ARMH1: variants seen among roughly 807,000 people sequenced by gnomAD.
ARMH1 encodes the protein armadillo-like helical domain containing protein 1.
ARMH1 carries 34 observed loss-of-function variants against 50.2 expected under a neutral mutation model. That is an observed-to-expected ratio of 0.68 (90% CI 0.51 to 0.90). The LOEUF (loss-of-function observed/expected upper bound fraction) is 0.90, where lower values mean the gene tolerates loss of function less well. Ranked by LOEUF, ARMH1 falls within the 40% of genes least tolerant of loss-of-function variation. The pLI, the probability that ARMH1 is intolerant of heterozygous loss-of-function variation, is 0.00. For synonymous variants in ARMH1, 221 were observed against 224.2 expected, an observed-to-expected ratio of 0.99 and a Z score of 0.13; for missense variants, 538 against 553.9, an observed-to-expected ratio of 0.97 and a Z score of 0.29.
chr1:44,717,932 T>C (rs1646919425), intron 6 of ARMH1, among the ~76,000 whole-genome samples: 1 of 152,232 alleles, frequency 6.6e-6, no homozygotes, highest in Admixed American at 6.5e-5. Context: ...TCACTTTGGG[T>C]ATAAACAGTG....
chr1:44,695,919 T>C (rs1645811565), intron 2 of ARMH1, among the ~76,000 whole-genome samples: 1 of 143,782 alleles, frequency 7.0e-6, no homozygotes. Flanking sequence ...TGCCCCAGCC[T>C]GGGCAACAGA....
intron 6 of ARMH1, among the ~76,000 whole-genome samples, chr1:44,708,321 T>G (rs748533850): frequency 1.3e-5 from 2 of 152,248 alleles, no homozygotes; most frequent in African/African-American, 4.8e-5. Context: ...AGAAGCAGCC[T>G]GTGTCCAAGA....
rs764885693 is a variant in ARMH1 at position 44,724,790 on chromosome 1, C to G, written c.1079C>G (p.Ala360Gly). The G allele has an allele frequency of 1.3e-6, 2 of 1,543,864 alleles. No homozygotes were observed. Among genetic ancestry groups the G allele is most frequent in the East Asian group, 4.9e-5 (2 of 40,896 alleles). The change falls in exon 10 of 12, where the codon GCG becomes GGG. Residue 360 changes from alanine (A) to glycine (G), a missense_variant. Transcript: ENST00000535358. The surrounding 1 kb of genome is among the most constrained non-coding windows in gnomAD (Gnocchi z 6.4). ...TTCGTGCAGATGTTCCCCTTGGTGG[C>G]GGAGCACGTGCGCAAGTGCATGGGG... ...ECFVQMFPLV[A>G]EHVRKCMGEE...
chr1:44,724,765 T>C lies in ARMH1; in HGVS notation c.1054T>C (p.Phe352Leu). 1.3e-6 allele frequency: 2 copies of C among 1,543,194 alleles called. No homozygotes were observed. Among genetic ancestry groups the C allele is most frequent in the South Asian group, 1.2e-5 (1 of 83,904 alleles). Residue 352 changes from phenylalanine (F) to leucine (L), a missense_variant, in exon 10 of 12, where the codon TTC (phenylalanine) becomes CTC (leucine). Phe to Leu is a conservative substitution (Grantham distance 22). Coordinates refer to ENST00000535358, the MANE Select transcript of ARMH1 (RefSeq NM_001145636.2). This position sits in a 1 kb window ranked among gnomAD's most constrained non-coding sequence, Gnocchi z 6.4. Reference protein sequence around the residue: ...QRLASLTLECFVQMFPLVAEH... With the variant: ...QRLASLTLECLVQMFPLVAEH... ...CCGCCTCGCCCGCGCGGCGCAGTGCTTCGTGCAGATGTTCCCCTTGGTGGC... is the reference window on the plus strand; with the variant it reads ...CCGCCTCGCCCGCGCGGCGCAGTGCCTCGTGCAGATGTTCCCCTTGGTGGC...
chr1:44,706,060 G>A (rs895534382), intron 6 of ARMH1, among the ~76,000 whole-genome samples: 3 of 152,196 alleles, frequency 2.0e-5, no homozygotes, highest in Admixed American at 6.5e-5. Context: ...TGAATGCCAT[G>A]TAGGTAGGTG....
At position 44,713,262 on chromosome 1, in the gene ARMH1, C is replaced by A. The variant is rs189005132; in HGVS notation, c.724+9089C>A. Among the ~76,000 whole-genome samples, 136 of 152,064 alleles carry A rather than the reference C, an allele frequency of 8.9e-4. No homozygotes were observed. In the South Asian group the frequency reaches 0.014, roughly 16 times the overall value. On this transcript the variant is annotated intron_variant, in intron 6 of 11. Transcript: ENST00000535358. ...CACAAGCATGCAGCACCATGCCTGGCTAATTTTCATATTTTTAGCGGGGAT... is the reference window on the plus strand; with the variant it reads ...CACAAGCATGCAGCACCATGCCTGGATAATTTTCATATTTTTAGCGGGGAT...
chr1:44,679,382 C>T (rs1317336877), intron 1 of ARMH1, among the ~76,000 whole-genome samples: 2 of 152,176 alleles, frequency 1.3e-5, no homozygotes, highest in African/African-American at 4.8e-5. Flanking sequence ...TCTTCTTTTC[C>T]AAAAGCCATT....
intron 1 of ARMH1, among the ~76,000 whole-genome samples, chr1:44,675,797 T>TAA (rs1300036027): frequency 6.6e-6 from 1 of 151,818 alleles, no homozygotes; most frequent in Non-Finnish European, 1.5e-5. Flanking sequence ...CCATCTCTAC[T>TAA]AAAAATACAA....
rs1647993651 is a variant in ARMH1 at position 44,724,691 on chromosome 1, G to A, written c.1050+23G>A. Reference sequence around the variant, plus strand: ...GAGGTGCGCGCGGCGGCTGGTTAGGGGGCGGGAAGGGCGGCGGCACCCGCA... The same window carrying A: ...GAGGTGCGCGCGGCGGCTGGTTAGGAGGCGGGAAGGGCGGCGGCACCCGCA... On this transcript the variant is annotated intron_variant, in intron 9 of 11. Coordinates refer to ENST00000535358, the MANE Select transcript of ARMH1 (RefSeq NM_001145636.2). The surrounding 1 kb of genome is among the most constrained non-coding windows in gnomAD (Gnocchi z 6.4). 3 of 1,479,328 alleles carry A rather than the reference G, an allele frequency of 2.0e-6. No individual in the cohort carries two copies. The Admixed American group carries it at 7.5e-5, about 37-fold the overall frequency. The allele number at this position is 1,479,328 out of a possible 1,614,324, so 91.6% of individuals were successfully genotyped here.
chr1:44,704,428 C>T (rs759264995), intron 6 of ARMH1, among the ~76,000 whole-genome samples: 3 of 152,074 alleles, frequency 2.0e-5, no homozygotes, highest in Non-Finnish European at 4.4e-5. Flanking sequence ...GTGATGCTTC[C>T]TGGCTAAACA....
chr1:44,710,608 CAAAAAAA>C (rs56731047), intron 6 of ARMH1, among the ~76,000 whole-genome samples: 1 of 92,898 alleles, frequency 1.1e-5, no homozygotes, highest in Non-Finnish European at 2.1e-5. Context: ...GACTCCGTCT[CAAAAAAA>C]AAAAAAAAAA....
chr1:44,678,972 A>G (rs1645223516), intron 1 of ARMH1, among the ~76,000 whole-genome samples: 1 of 152,186 alleles, frequency 6.6e-6, no homozygotes, highest in Non-Finnish European at 1.5e-5. Flanking sequence ...TTTGGCCACT[A>G]TAGAAATGAT....
chr1:44,675,353 A>T (rs1283556503), intron 1 of ARMH1, among the ~76,000 whole-genome samples: 1 of 152,046 alleles, frequency 6.6e-6, no homozygotes, highest in Non-Finnish European at 1.5e-5. Context: ...ACTTTTAGAG[A>T]TAGGGAGGGG....
In ARMH1 at chr1:44,725,118, C is replaced by T. The variant is rs1342717028; in HGVS notation, c.1129-18C>T. ...TGCCCTGGCACCCCAGCCGGGTCCC[C>T]CTTGCTCCTGTCCTCAGAGCAACGC... On this transcript the variant is annotated intron_variant, in intron 10 of 11. Transcript: ENST00000535358. The T allele has an allele frequency of 1.3e-6, 2 of 1,551,796 alleles. No homozygotes were observed. Among genetic ancestry groups the T allele is most frequent in the Admixed American group, 2.0e-5 (1 of 51,002 alleles).
rs1337616865 is a variant in ARMH1, at chr1:44,689,885, C to T, written c.188C>T (p.Thr63Ile). The change falls in exon 2 of 12, where the codon ACC becomes ATC. Residue 63 changes from threonine to isoleucine, a missense_variant. Physicochemically the swap from Thr to Ile is moderately conservative, Grantham distance 89. Transcript: ENST00000535358. Reference sequence around the variant, plus strand: ...GCCAGTTTGTTCCTGGTACGCTTGACCACCTCGCTTAGAATCACGTATCCT... The same window carrying T: ...GCCAGTTTGTTCCTGGTACGCTTGATCACCTCGCTTAGAATCACGTATCCT... ...QGASLFLVRLTTSLRITYMTD... is the reference protein window; with the variant it reads ...QGASLFLVRLITSLRITYMTD... The T allele has an allele frequency of 6.4e-7, 1 of 1,550,614 alleles. No homozygotes were observed. The highest frequency in any genetic ancestry group is 2.4e-5 in the East Asian group (1 of 40,926).
chr1:44,675,949 G>A (rs58019041), intron 1 of ARMH1, among the ~76,000 whole-genome samples: 7,853 of 152,108 alleles, frequency 0.052, 469 homozygotes, highest in East Asian at 0.15. Context: ...GACAGAGCGC[G>A]ACTCTGTCTC....
rs1423706051 is a variant in ARMH1 at position 44,700,925 on chromosome 1, G to A, written c.445G>A (p.Val149Ile). 1.9e-6 allele frequency: 3 copies of A among 1,548,672 alleles called. No individual in the cohort carries two copies. The highest frequency in any genetic ancestry group is 1.4e-5 in the African/African-American group (1 of 72,978). ...YKELICESYG[V>I]RSIAEFLAKS... The stretch of plus-strand genomic sequence containing the variant: ...CATTTCCTCTCTTCTTTGCTCAGGT[G>A]TACGATCCATAGCAGAATTTTTGGC... Residue 149 changes from valine (V) to isoleucine (I), a missense_variant and splice_region_variant, in exon 5 of 12, where the codon GTA becomes ATA. By Grantham distance (29) the Val-to-Ile change is conservative. Coordinates refer to ENST00000535358, the MANE Select transcript of ARMH1 (RefSeq NM_001145636.2).
At chr1:44,694,185 C>T (rs369387654) in intron 2 of ARMH1, among the ~76,000 whole-genome samples, 1 of 152,148 alleles carries the variant, frequency 6.6e-6, no homozygotes, top group African/African-American at 2.4e-5. Flanking sequence ...GTGTTCTACA[C>T]CTAGAATTAT....
rs1647887734 is a variant in ARMH1 at position 44,724,311 on chromosome 1, C to G, written c.848-9C>G. ...GCGGTCTCTTGCCTCACGGCTGCCC[C>G]CTCCTCAGACCCCTCGGTTCTCCAG... is the stretch of plus-strand genomic sequence containing the variant. On this transcript the variant is annotated splice_polypyrimidine_tract_variant and intron_variant, in intron 7 of 11. Transcript: ENST00000535358. The surrounding 1 kb of genome is among the most constrained non-coding windows in gnomAD (Gnocchi z 6.4). 2 of 1,551,114 alleles carry G rather than the reference C, an allele frequency of 1.3e-6. No homozygotes were observed. Among genetic ancestry groups the G allele is most frequent in the Admixed American group, 3.9e-5 (2 of 50,940 alleles).
Sources: allele counts gnomAD v4.1 joint callset (sites outside exome capture counted in the v4.1 genomes callset), GRCh38; gene constraint gnomAD v4.1.1; non-coding constraint Gnocchi (gnomAD v3.1); transcripts MANE v1.5; gene names NCBI Gene and HGNC (gene_info 2026-07-23, HGNC 2026-07-21).